The following NAALADL2 variants were observed in gnomAD, a reference collection of about 807,000 sequenced individuals.
NAALADL2 encodes N-acetylated alpha-linked acidic dipeptidase like 2.
NAALADL2 carries 76 observed loss-of-function variants against 87.2 expected under a neutral mutation model. The observed-to-expected ratio is 0.87, with a 90% CI of 0.72 to 1.05. The LOEUF is 1.05. NAALADL2 is among the 50% of genes least tolerant of loss of function. The pLI, the probability that NAALADL2 is intolerant of heterozygous loss-of-function variation, is 0.00. For missense variants in NAALADL2, 1,089 were observed against 945.8 expected, an observed-to-expected ratio of 1.15 and a Z score of -1.99; for synonymous variants, 354 against 331.0, an observed-to-expected ratio of 1.07 and a Z score of -0.75.
chr3:175,290,918 CTTT>C (rs1405507052), intron 4 of NAALADL2, among the ~76,000 whole-genome samples: 1 of 151,882 alleles, frequency 6.6e-6, no homozygotes, highest in Non-Finnish European at 1.5e-5. Flanking sequence ...TTTTCTACTT[CTTT>C]GAGTATTTCC....
At chr3:174,788,337 G>T (rs560637157) in intron 3 of NAALADL2, among the ~76,000 whole-genome samples, 4 of 152,276 alleles carry the variant, frequency 2.6e-5, no homozygotes, top group African/African-American at 4.8e-5. Flanking sequence ...GAAGACAAAA[G>T]GACGCATATT....
intron 10 of NAALADL2, among the ~76,000 whole-genome samples, chr3:175,620,951 G>A (rs1319117543): frequency 6.6e-6 from 1 of 152,190 alleles, no homozygotes; most frequent in Non-Finnish European, 1.5e-5. Flanking sequence ...AAGCGGGTAA[G>A]TCTGTGAGGC....
At chr3:174,839,913 C>T (rs1290752124) in intron 3 of NAALADL2, among the ~76,000 whole-genome samples, 5 of 152,078 alleles carry the variant, frequency 3.3e-5, no homozygotes, top group South Asian at 2.1e-4. Context: ...GGAATGTAAA[C>T]TAGTACAATT....
intron 10 of NAALADL2, among the ~76,000 whole-genome samples, chr3:175,584,352 TA>T (rs113267122): frequency 0.022 from 3,288 of 152,026 alleles, 112 homozygotes; most frequent in African/African-American, 0.073. Context: ...TTATCACTTT[TA>T]TTATAGATGA....
intron 1 of NAALADL2, among the ~76,000 whole-genome samples, chr3:174,874,869 A>C (rs1728285340): frequency 6.6e-6 from 1 of 152,042 alleles, no homozygotes; most frequent in Non-Finnish European, 1.5e-5. Context: ...TAATCCTAGC[A>C]CTTTGGGAGG....
At chr3:175,114,943 T>A (rs535993469) in intron 2 of NAALADL2, among the ~76,000 whole-genome samples, 1 of 151,742 alleles carries the variant, frequency 6.6e-6, no homozygotes, top group Non-Finnish European at 1.5e-5. Context: ...TCTTTACGAA[T>A]TACATTACTG....
chr3:174,889,440 T>C (rs149986939), intron 1 of NAALADL2, among the ~76,000 whole-genome samples: 1 of 152,302 alleles, frequency 6.6e-6, no homozygotes, highest in African/African-American at 2.4e-5. Flanking sequence ...TTCTACCACC[T>C]GCCTTTAGTT....
chr3:175,790,932 G>A (rs2108289169), intron 13 of NAALADL2, among the ~76,000 whole-genome samples: 1 of 152,276 alleles, frequency 6.6e-6, no homozygotes, highest in Admixed American at 6.5e-5. Context: ...AGACATCTTT[G>A]TATATGTAAA....
intron 1 of NAALADL2, among the ~76,000 whole-genome samples, chr3:174,897,889 G>A (rs1044203486): frequency 1.2e-4 from 16 of 137,548 alleles, no homozygotes; most frequent in East Asian, 2.0e-4. Context: ...CGAGGCGGGC[G>A]GATCACGAGG....
chr3:175,783,292 T>G (rs1169878611), intron 13 of NAALADL2, among the ~76,000 whole-genome samples: 1 of 152,088 alleles, frequency 6.6e-6, no homozygotes, highest in Non-Finnish European at 1.5e-5. Flanking sequence ...TAAATTACCT[T>G]GGGCAGTATG....
At chr3:174,647,049 A>G (rs1723867429) in intron 2 of NAALADL2, among the ~76,000 whole-genome samples, 3 of 152,148 alleles carry the variant, frequency 2.0e-5, no homozygotes, top group Admixed American at 6.5e-5. Flanking sequence ...AATATAATTT[A>G]CAGATGATCA....
chr3:174,866,960 C>G (rs112911950), intron 1 of NAALADL2, among the ~76,000 whole-genome samples: 68 of 151,474 alleles, frequency 4.5e-4, no homozygotes, highest in African/African-American at 1.6e-3. Flanking sequence ...GATTAGAAAA[C>G]CCATAATATT....
chr3:175,735,827 CT>C (rs1337606905), intron 11 of NAALADL2, among the ~76,000 whole-genome samples: 1 of 152,190 alleles, frequency 6.6e-6, no homozygotes, highest in African/African-American at 2.4e-5. Context: ...GAATTTGCAC[CT>C]TGTTGAATAT....
chr3:174,509,905 A>G (rs1365385519), intron 1 of NAALADL2, among the ~76,000 whole-genome samples: 1 of 152,156 alleles, frequency 6.6e-6, no homozygotes, highest in Non-Finnish European at 1.5e-5. Flanking sequence ...GATGCCATGT[A>G]TAAGATTGAG....
intron 11 of NAALADL2, among the ~76,000 whole-genome samples, chr3:175,710,847 T>C (rs1157545386): frequency 1.3e-5 from 2 of 151,876 alleles, no homozygotes; most frequent in Non-Finnish European, 2.9e-5. Context: ...TATAGTACTC[T>C]CTCTAAAAAC....
chr3:175,517,775 CTT>C (rs1310201196), intron 9 of NAALADL2, among the ~76,000 whole-genome samples: 1 of 152,034 alleles, frequency 6.6e-6, no homozygotes, highest in Non-Finnish European at 1.5e-5. Context: ...GGCTCTCTCT[CTT>C]GAGAGAGAGA....
chr3:175,034,296 T>C lies in NAALADL2; in HGVS notation c.44-62494T>C, dbSNP rs140035898. ...CCTTTTATTGTACAGCACATGTGCA[T>C]TGTTGCCTTTAAAGCCAGATACAAG... On this transcript the variant is annotated intron_variant, in intron 1 of 13. Coordinates refer to ENST00000454872, the MANE Select transcript of NAALADL2 (RefSeq NM_207015.3). 2.6e-5 allele frequency among the ~76,000 whole-genome samples: 4 copies of C among 152,276 alleles called. No homozygotes were observed. In the East Asian group the frequency reaches 7.7e-4, roughly 29 times the overall value.
At chr3:175,274,624 G>C (rs999160734) in intron 4 of NAALADL2, among the ~76,000 whole-genome samples, 1 of 152,140 alleles carries the variant, frequency 6.6e-6, no homozygotes, top group Non-Finnish European at 1.5e-5. Context: ...GGGCTCTGGA[G>C]TCAGTCATTT....
Position 175,463,513 on chromosome 3 carries a change from T to G in NAALADL2, c.1327+20T>G. 1 of 1,301,724 alleles carries G rather than the reference T, an allele frequency of 7.7e-7. No homozygotes were observed. Among genetic ancestry groups the G allele is most frequent in the Non-Finnish European group, 1.1e-6 (1 of 916,618 alleles). 80.6% of individuals were successfully genotyped at this position (1,301,724 alleles called of 1,614,324 possible). A position where few individuals can be genotyped will look rare whatever the true frequency, so the allele number is the denominator to read the frequency against. ...CTCCAGGTAAGTAGGGTTGAAAATT[T>G]ATAATCTACACTTTATATGAAACTA... On this transcript the variant is annotated intron_variant, in intron 7 of 13. Transcript: ENST00000454872.
Sources: gnomAD v4.1 joint callset for allele counts (sites outside exome capture counted in the v4.1 genomes callset) on GRCh38, gnomAD v4.1.1 for gene constraint, MANE v1.5 for transcripts, NCBI Gene and HGNC (gene_info 2026-07-23, HGNC 2026-07-21) for gene names.